Variants in GRIK2 observed in about 807,000 individuals in gnomAD.
GRIK2 encodes the protein glutamate ionotropic receptor kainate type subunit 2.
Under a neutral mutation model 100.3 loss-of-function variants are expected in GRIK2, and 32 were observed. The observed-to-expected ratio is 0.32, with a 90% CI of 0.24 to 0.43. GRIK2 has a LOEUF of 0.43. Among genes scored for constraint, GRIK2 ranks in the 20% least tolerant of loss-of-function variants. The pLI is 1.00. For missense variants in GRIK2, 843 were observed against 1,114.9 expected, an observed-to-expected ratio of 0.76 and a Z score of 3.47; for synonymous variants, 417 against 389.4, an observed-to-expected ratio of 1.07 and a Z score of -0.83.
At chr6:101,758,742 G>A (rs1052086491) in intron 7 of GRIK2, among the ~76,000 whole-genome samples, 1 of 152,134 alleles carries the variant, frequency 6.6e-6, no homozygotes, top group Non-Finnish European at 1.5e-5. Flanking sequence ...GATTTCAGGG[G>A]TAATAGATTT....
intron 11 of GRIK2, among the ~76,000 whole-genome samples, chr6:101,862,266 C>T (rs1249139241): frequency 1.3e-5 from 2 of 151,930 alleles, no homozygotes; most frequent in African/African-American, 4.8e-5. Context: ...CATCGATTCC[C>T]AAGAATTTTT....
In GRIK2 at chr6:101,809,678, C is replaced by A. The variant is rs9498717; in HGVS notation, c.1203+7240C>A. Among the ~76,000 whole-genome samples the A allele has an allele frequency of 1.1e-4, 17 of 152,028 alleles. 1 individual carries two copies. The East Asian group carries it at 3.3e-3, about 29-fold the overall frequency. On this transcript the variant is annotated intron_variant, in intron 9 of 16. Coordinates refer to ENST00000369134, the MANE Select transcript of GRIK2 (RefSeq NM_021956.5). ...AGCAATTTTAATGGTGATGTTAACT[C>A]GTAAACTTTAAATTAGTCAAAAAGT...
At chr6:101,922,111 C>CCTTCCTTT (rs1582540869) in intron 12 of GRIK2, among the ~76,000 whole-genome samples, 3 of 17,158 alleles carry the variant, frequency 1.7e-4, no homozygotes, top group East Asian at 2.4e-3. Flanking sequence ...TTCCTTCCTT[C>CCTTCCTTT]CTTCCTTCCT....
intron 2 of GRIK2, among the ~76,000 whole-genome samples, chr6:101,483,946 A>G (rs1487969746): frequency 6.6e-6 from 1 of 152,218 alleles, no homozygotes; most frequent in Non-Finnish European, 1.5e-5. Context: ...ATTAATATGA[A>G]TATTTTGCCA....
intron 14 of GRIK2, among the ~76,000 whole-genome samples, chr6:101,948,797 C>T (rs1000722141): frequency 4.0e-5 from 6 of 151,780 alleles, no homozygotes; most frequent in South Asian, 4.2e-4. Context: ...TAAAGCAAAA[C>T]AAGAAAACAA....
chr6:101,659,679 G>A (rs910504229), intron 4 of GRIK2, among the ~76,000 whole-genome samples: 3 of 152,068 alleles, frequency 2.0e-5, no homozygotes, highest in Non-Finnish European at 2.9e-5. Context: ...GTGACAAAAT[G>A]TCTCAGCATT....
At chr6:101,408,609 T>G (rs1407030092) in intron 2 of GRIK2, among the ~76,000 whole-genome samples, 1 of 152,056 alleles carries the variant, frequency 6.6e-6, no homozygotes, top group African/African-American at 2.4e-5. Context: ...AACCCAGGCT[T>G]GAAGGCAGTG....
At chr6:101,588,754 A>G (rs1381448739) in intron 2 of GRIK2, among the ~76,000 whole-genome samples, 3 of 152,098 alleles carry the variant, frequency 2.0e-5, no homozygotes, top group African/African-American at 4.8e-5. Flanking sequence ...AGATCATTCT[A>G]AACATGGCAC....
intron 1 of GRIK2, among the ~76,000 whole-genome samples, chr6:101,397,670 T>C (rs1275550372): frequency 9.2e-6 from 1 of 108,752 alleles, no homozygotes; most frequent in Non-Finnish European, 1.7e-5. Flanking sequence ...TACAGTGTTT[T>C]CTTGCTGTTT....
chr6:101,443,443 A>G (rs1291448801), intron 2 of GRIK2, among the ~76,000 whole-genome samples: 2 of 152,182 alleles, frequency 1.3e-5, no homozygotes, highest in African/African-American at 4.8e-5. Flanking sequence ...TTAAACATCA[A>G]AATAAATTAT....
chr6:101,731,078 T>C (rs1775235880), intron 7 of GRIK2, among the ~76,000 whole-genome samples: 2 of 152,038 alleles, frequency 1.3e-5, no homozygotes, highest in African/African-American at 2.4e-5. Context: ...AGTACTTCTA[T>C]GCAGTTGCAG....
intron 4 of GRIK2, among the ~76,000 whole-genome samples, chr6:101,627,172 C>T (rs990115835): frequency 1.4e-4 from 21 of 151,030 alleles, no homozygotes; most frequent in African/African-American, 5.1e-4. Flanking sequence ...TAGATAGAGT[C>T]ACTCTGTCGC....
At chr6:101,488,134 A>G (rs1772922775) in intron 2 of GRIK2, among the ~76,000 whole-genome samples, 1 of 146,724 alleles carries the variant, frequency 6.8e-6, no homozygotes, top group Admixed American at 6.8e-5. Flanking sequence ...TGCTTCTAAT[A>G]ATAATTTTAT....
At chr6:101,398,946 G>C (rs1016275943) in intron 1 of GRIK2, 39 bp from the exon 2 acceptor site, 5 of 429,452 alleles carry the variant, frequency 1.2e-5, no homozygotes, top group African/African-American at 1.0e-4. Flanking sequence ...TACCAAGGCT[G>C]GGTTTCCTAC....
At chr6:101,918,100 A>G (rs1282002212) in intron 12 of GRIK2, among the ~76,000 whole-genome samples, 1 of 151,740 alleles carries the variant, frequency 6.6e-6, no homozygotes, top group Admixed American at 6.6e-5. Flanking sequence ...CAAAAAAACC[A>G]GAATATTACC....
chr6:101,857,128 G>A (rs1228840966), intron 10 of GRIK2, among the ~76,000 whole-genome samples: 2 of 152,148 alleles, frequency 1.3e-5, no homozygotes, highest in African/African-American at 4.8e-5. Context: ...GGAAAAAATG[G>A]TGTGGGGACA....
At chr6:101,992,349 C>A (rs1336300770) in intron 14 of GRIK2, among the ~76,000 whole-genome samples, 1 of 151,470 alleles carries the variant, frequency 6.6e-6, no homozygotes, top group African/African-American at 2.4e-5. Context: ...TATTGCTGTA[C>A]CATTTTAAAT....
chr6:101,498,749 T>C (rs1429110764), intron 2 of GRIK2, among the ~76,000 whole-genome samples: 4 of 152,098 alleles, frequency 2.6e-5, no homozygotes, highest in South Asian at 4.1e-4. Context: ...TTTGAGTTCA[T>C]TGTAGATTCT....
At position 101,687,315 on chromosome 6, in the gene GRIK2, A is replaced by G. The variant is rs138647347; in HGVS notation, c.951+962A>G. 3.6e-4 allele frequency among the ~76,000 whole-genome samples: 54 copies of G among 152,062 alleles called. No homozygotes were observed. In the East Asian group the frequency reaches 9.7e-3, roughly 27 times the overall value. ...TGTTTTCTTATTAAATCATTTTTCTACAGACTAAAGTATCACTATAATTAA... is the reference window on the plus strand; with the variant it reads ...TGTTTTCTTATTAAATCATTTTTCTGCAGACTAAAGTATCACTATAATTAA... On this transcript the variant is annotated intron_variant, in intron 7 of 16. Coordinates refer to ENST00000369134, the MANE Select transcript of GRIK2 (RefSeq NM_021956.5).
Sources: gnomAD v4.1 joint callset for allele counts (sites outside exome capture counted in the v4.1 genomes callset) on GRCh38, gnomAD v4.1.1 for gene constraint, MANE v1.5 for transcripts, NCBI Gene and HGNC (gene_info 2026-07-23, HGNC 2026-07-21) for gene names.